Variants in AMMECR1 observed in about 807,000 individuals in gnomAD.
The protein encoded by AMMECR1 is nuclear protein AMMECR1.
AMMECR1 carries 3 observed loss-of-function variants against 22.5 expected under a neutral mutation model. That is an observed-to-expected ratio of 0.13 (90% confidence interval 0.06 to 0.35). The LOEUF is 0.35. Ranked by LOEUF, AMMECR1 falls within the 10% of genes least tolerant of loss-of-function variation. The probability of loss-of-function intolerance (pLI) is 1.00; values close to 1 mark genes in which losing one functional copy is unlikely to be tolerated. For missense variants in AMMECR1, 235 were observed against 278.7 expected, an observed-to-expected ratio of 0.84 and a Z score of 1.12; for synonymous variants, 130 against 116.7, an observed-to-expected ratio of 1.11 and a Z score of -0.74.
intron 2 of AMMECR1, among the ~76,000 whole-genome samples, chrX:110,335,516 G>T (rs1363263690): frequency 9.0e-6 from 1 of 111,573 alleles, no homozygotes; most frequent in East Asian, 2.8e-4. Flanking sequence ...CAAACTAGGG[G>T]TTGCCGATGG....
intron 2 of AMMECR1, among the ~76,000 whole-genome samples, chrX:110,391,894 T>C (rs1202700060): frequency 8.9e-6 from 1 of 112,219 alleles, no homozygotes; most frequent in Non-Finnish European, 1.9e-5. Flanking sequence ...TCCCTGATTT[T>C]GTCAAAGGCT....
chrX:110,324,873 A>T (rs775827837), intron 2 of AMMECR1, among the ~76,000 whole-genome samples: 42 of 111,035 alleles, frequency 3.8e-4, no homozygotes, highest in Admixed American at 6.7e-4. Flanking sequence ...TATTTTTTAT[A>T]TGTTGCTGGA....
At chrX:110,288,563 A>T (rs1399804346) in intron 1 of AMMECR1, among the ~76,000 whole-genome samples, 1 of 112,176 alleles carries the variant, frequency 8.9e-6, no homozygotes, top group Non-Finnish European at 1.9e-5. Context: ...GCAGGGCTTC[A>T]TCAATGTATG....
At chrX:110,384,646 G>C (rs1459366826) in intron 2 of AMMECR1, among the ~76,000 whole-genome samples, 1 of 111,238 alleles carries the variant, frequency 9.0e-6, no homozygotes, top group Non-Finnish European at 1.9e-5. Context: ...GAAAATGTGA[G>C]TCATCTCCAT....
At chrX:110,403,795 C>A (rs747451943) in intron 2 of AMMECR1, among the ~76,000 whole-genome samples, 1 of 112,441 alleles carries the variant, frequency 8.9e-6, no homozygotes, top group South Asian at 3.7e-4. Context: ...GTTTTTGCTC[C>A]AGAAATATCA....
intron 2 of AMMECR1, among the ~76,000 whole-genome samples, chrX:110,255,185 A>C (rs2067704581): frequency 8.9e-6 from 1 of 112,357 alleles, no homozygotes; most frequent in South Asian, 3.7e-4. Flanking sequence ...GGGTACTTTT[A>C]ATGTAGCACG....
chrX:110,328,477 T>C (rs1467492578), intron 2 of AMMECR1, among the ~76,000 whole-genome samples: 2 of 106,299 alleles, frequency 1.9e-5, no homozygotes, highest in Admixed American at 1.0e-4. Flanking sequence ...TTTTTTTTTT[T>C]TTTTAACACT....
upstream of AMMECR1, among the ~76,000 whole-genome samples, chrX:110,322,394 T>C (rs1203566675): frequency 8.9e-6 from 1 of 112,048 alleles, no homozygotes; most frequent in African/African-American, 3.2e-5. Context: ...TTTACTTGAC[T>C]GTTTTTCTCT....
At chrX:110,362,214 C>G (rs1000053110) in intron 2 of AMMECR1, among the ~76,000 whole-genome samples, 7 of 111,307 alleles carry the variant, frequency 6.3e-5, no homozygotes, top group Non-Finnish European at 1.3e-4. Context: ...GGGTTTGCAG[C>G]ATATCAACTC....
intron 2 of AMMECR1, among the ~76,000 whole-genome samples, chrX:110,424,245 C>G (rs2068738869): frequency 8.9e-6 from 1 of 111,776 alleles, no homozygotes; most frequent in Non-Finnish European, 1.9e-5. Flanking sequence ...CCCGTCACAG[C>G]TCTTGAGGAC....
intron 1 of AMMECR1, among the ~76,000 whole-genome samples, chrX:110,431,474 A>C (rs2068796281): frequency 9.1e-6 from 1 of 109,677 alleles, no homozygotes; most frequent in African/African-American, 3.3e-5. Context: ...GCTCCTTTTC[A>C]AGGGTTTTTC....
chrX:110,340,012 A>G (rs776189679), intron 2 of AMMECR1, among the ~76,000 whole-genome samples: 1 of 109,009 alleles, frequency 9.2e-6, no homozygotes, highest in African/African-American at 3.4e-5. Context: ...ACACACACAC[A>G]CACACACAAC....
chrX:110,260,971 C>T, intron 2 of AMMECR1, among the ~76,000 whole-genome samples: 1 of 111,452 alleles, frequency 9.0e-6, no homozygotes, highest in Non-Finnish European at 1.9e-5. Context: ...TCCACTGATA[C>T]GAGGTACCTA....
upstream of AMMECR1, among the ~76,000 whole-genome samples, chrX:110,322,382 T>C (rs530481297): frequency 8.9e-6 from 1 of 111,912 alleles, no homozygotes; most frequent in Non-Finnish European, 1.9e-5. Flanking sequence ...TTTGGGAAAG[T>C]CTTTACTTGA....
chrX:110,432,892 G>A (rs2068808290), intron 1 of AMMECR1, among the ~76,000 whole-genome samples: 1 of 112,834 alleles, frequency 8.9e-6, no homozygotes, highest in African/African-American at 3.2e-5. Flanking sequence ...ATCCTCAGAC[G>A]CTTCTAGGAG....
intron 2 of AMMECR1, among the ~76,000 whole-genome samples, chrX:110,342,870 AG>A (rs2068170653): frequency 9.0e-6 from 1 of 111,597 alleles, no homozygotes; most frequent in African/African-American, 3.3e-5. Context: ...AACCAAAAAA[AG>A]TCCAGGACCA....
intron 2 of AMMECR1, among the ~76,000 whole-genome samples, chrX:110,364,805 C>T (rs550665169): frequency 1.8e-5 from 2 of 111,615 alleles, no homozygotes; most frequent in African/African-American, 3.3e-5. Flanking sequence ...CTAAGTCTAC[C>T]GAAGAATGTC....
intron 1 of AMMECR1, among the ~76,000 whole-genome samples, chrX:110,431,992 G>C (rs993421679): frequency 4.5e-5 from 5 of 112,045 alleles, no homozygotes; most frequent in African/African-American, 1.6e-4. Flanking sequence ...GTGGGAACAG[G>C]GTTTGGGAGT....
intron 3 of AMMECR1, among the ~76,000 whole-genome samples, chrX:110,209,359 C>T (rs917099530): frequency 1.8e-5 from 2 of 111,825 alleles, no homozygotes; most frequent in Admixed American, 1.9e-4. Flanking sequence ...TTCTACAAAG[C>T]AAAATACGTA....
Sources: gnomAD v4.1 joint callset for allele counts (sites outside exome capture counted in the v4.1 genomes callset) on GRCh38, gnomAD v4.1.1 for gene constraint, MANE v1.5 for transcripts, NCBI Gene and HGNC (gene_info 2026-07-23, HGNC 2026-07-21) for gene names.